SEM1: variants seen among roughly 807,000 people sequenced by gnomAD.
SEM1 encodes SEM1 26S proteasome subunit, also known as 26S proteasome complex subunit SEM1.
Under a neutral mutation model 12.7 loss-of-function variants are expected in SEM1, and 3 were observed. The observed-to-expected ratio is 0.24, with a 90% confidence interval of 0.11 to 0.61. The LOEUF (loss-of-function observed/expected upper bound fraction) is 0.61, where lower values mean the gene tolerates loss of function less well. Ranked by LOEUF, SEM1 falls within the 20% of genes least tolerant of loss-of-function variation. SEM1 has a pLI of 0.88. For synonymous variants in SEM1, 30 were observed against 27.8 expected (o/e 1.08, Z -0.25); for missense variants, 59 against 81.3 (o/e 0.73, Z 1.06).
chr7:96,647,981 T>C (rs1410612620), intron 2 of SEM1, among the ~76,000 whole-genome samples: 1 of 152,190 alleles, frequency 6.6e-6, no homozygotes, highest in Non-Finnish European at 1.5e-5. Flanking sequence ...TTTTGGCACT[T>C]TGGCTAGGAG....
exon 3 of SEM1, chr7:96,673,638 C>T: frequency 3.0e-6 from 2 of 657,282 alleles, no homozygotes; most frequent in Non-Finnish European, 5.6e-6. Context: ...CACCCCACTC[C>T]CTCCTTACTG....
intron 1 of SEM1, among the ~76,000 whole-genome samples, chr7:96,698,310 A>C (rs1434984690): frequency 6.6e-6 from 1 of 152,032 alleles, no homozygotes; most frequent in Non-Finnish European, 1.5e-5. Flanking sequence ...GGTCCGTTAC[A>C]TAGGAATACA....
At chr7:96,594,568 A>G (rs1486964072) in intron 2 of SEM1, among the ~76,000 whole-genome samples, 1 of 152,186 alleles carries the variant, frequency 6.6e-6, no homozygotes, top group Non-Finnish European at 1.5e-5. Flanking sequence ...TATAACTCTA[A>G]TGAAGCTTAA....
chr7:96,687,093 C>A (rs1789781965), downstream of SEM1, among the ~76,000 whole-genome samples: 1 of 152,192 alleles, frequency 6.6e-6, no homozygotes, highest in Non-Finnish European at 1.5e-5. Flanking sequence ...GAGATACCAT[C>A]TCACACCAGT....
In SEM1 at chr7:96,587,441, G is replaced by A. The variant is rs1037659083; in HGVS notation, c.171-80743C>T. Reference sequence around the variant, plus strand: ...TTACCACCCCTGCATTCCACTATCTGCTTTGAGCTGTTCTTTCTTTTCATT... The same window carrying A: ...TTACCACCCCTGCATTCCACTATCTACTTTGAGCTGTTCTTTCTTTTCATT... On this transcript the variant is annotated intron_variant and NMD_transcript_variant, in intron 2 of 3. Transcript: ENST00000466986. Among the ~76,000 whole-genome samples the A allele has an allele frequency of 2.6e-5, 4 of 152,052 alleles. No homozygotes were observed. In the South Asian group the frequency reaches 6.2e-4, roughly 24 times the overall value.
At chr7:96,555,102 G>T (rs1240799610) in intron 2 of SEM1, among the ~76,000 whole-genome samples, 2 of 150,468 alleles carry the variant, frequency 1.3e-5, no homozygotes, top group East Asian at 3.9e-4. Context: ...TTCTTTATTA[G>T]TCTTGCTAGC....
intron 2 of SEM1, among the ~76,000 whole-genome samples, chr7:96,692,626 TA>T (rs1789963199): frequency 6.6e-6 from 1 of 151,996 alleles, no homozygotes; most frequent in Non-Finnish European, 1.5e-5. Flanking sequence ...ATCCTCGAAA[TA>T]AACTGAAATC....
At chr7:96,575,485 C>G (rs1806173654) in intron 2 of SEM1, among the ~76,000 whole-genome samples, 1 of 152,218 alleles carries the variant, frequency 6.6e-6, no homozygotes, top group African/African-American at 2.4e-5. Flanking sequence ...CTTAGCAGAG[C>G]TCAGGTGCTA....
chr7:96,652,771 A>C (rs1013955307), intron 2 of SEM1, among the ~76,000 whole-genome samples: 1 of 152,232 alleles, frequency 6.6e-6, no homozygotes, highest in African/African-American at 2.4e-5. Flanking sequence ...AATTGTGTGA[A>C]TTAAAACACA....
chr7:96,634,347 G>GA (rs1563091776), intron 2 of SEM1, among the ~76,000 whole-genome samples: 1 of 151,978 alleles, frequency 6.6e-6, no homozygotes, highest in East Asian at 1.9e-4. Context: ...TTTGATGAAA[G>GA]AATAGGTAGA....
intron 2 of SEM1, among the ~76,000 whole-genome samples, chr7:96,589,425 T>C (rs1806758008): frequency 6.6e-6 from 1 of 152,090 alleles, no homozygotes; most frequent in Non-Finnish European, 1.5e-5. Context: ...TAAGACCACA[T>C]AAGTAACTAC....
At chr7:96,674,715 A>C (rs1424538728) in intron 2 of SEM1, among the ~76,000 whole-genome samples, 2 of 152,118 alleles carry the variant, frequency 1.3e-5, no homozygotes, top group African/African-American at 4.8e-5. Context: ...AATGGCAGGA[A>C]ATTTGTGGTT....
intron 2 of SEM1, among the ~76,000 whole-genome samples, chr7:96,665,365 G>T (rs1474550643): frequency 6.6e-6 from 1 of 152,058 alleles, no homozygotes; most frequent in Admixed American, 6.6e-5. Context: ...TATTTTGAAG[G>T]TATATTTCCC....
chr7:96,658,957 T>A (rs1584841809), intron 2 of SEM1, among the ~76,000 whole-genome samples: 1 of 152,026 alleles, frequency 6.6e-6, no homozygotes, highest in Non-Finnish European at 1.5e-5. Flanking sequence ...TTTTTTCTAA[T>A]GCACAAAGGT....
At chr7:96,550,150 A>G (rs1287946999) in intron 2 of SEM1, among the ~76,000 whole-genome samples, 1 of 152,082 alleles carries the variant, frequency 6.6e-6, no homozygotes, top group African/African-American at 2.4e-5. Context: ...TAGTGAGGGA[A>G]AGTCGTTTAG....
intron 2 of SEM1, among the ~76,000 whole-genome samples, chr7:96,537,212 C>G (rs73224504): frequency 0.16 from 23,603 of 151,562 alleles, 1,917 homozygotes; most frequent in Middle Eastern, 0.22. Context: ...TCTCTATGGC[C>G]CCTTGTGACA....
chr7:96,579,699 AAC>A (rs1334008754), intron 2 of SEM1, among the ~76,000 whole-genome samples: 1 of 152,186 alleles, frequency 6.6e-6, no homozygotes, highest in African/African-American at 2.4e-5. Context: ...AAAAGAGTAA[AAC>A]AGCTAAAATA....
rs1336993560 is a variant in SEM1, at chr7:96,552,157, G to T, written c.171-45459C>A. Among the ~76,000 whole-genome samples, 3 of 151,802 alleles carry T rather than the reference G, an allele frequency of 2.0e-5. No individual in the cohort carries two copies. In the East Asian group the frequency reaches 5.9e-4, roughly 30 times the overall value. On this transcript the variant is annotated intron_variant and NMD_transcript_variant, in intron 2 of 3. Coordinates refer to the SEM1 transcript ENST00000466986. Reference sequence around the variant, plus strand: ...GTACATTCAGAGGGGTGGGAGCTGGGGCTACCATTTAACTACACTTCCTAC... The same window carrying T: ...GTACATTCAGAGGGGTGGGAGCTGGTGCTACCATTTAACTACACTTCCTAC...
intron 2 of SEM1, among the ~76,000 whole-genome samples, chr7:96,651,497 C>A (rs917220330): frequency 6.6e-6 from 1 of 152,098 alleles, no homozygotes; most frequent in Non-Finnish European, 1.5e-5. Flanking sequence ...AGGTAAAAGG[C>A]ATGTGTGATC....
Sources: allele counts gnomAD v4.1 joint callset (sites outside exome capture counted in the v4.1 genomes callset), GRCh38; gene constraint gnomAD v4.1.1; transcripts MANE v1.5; gene names NCBI Gene and HGNC (gene_info 2026-07-23, HGNC 2026-07-21).